The following MAF variants were observed in gnomAD, a reference collection of about 807,000 sequenced individuals.
MAF encodes transcription factor Maf.
MAF carries 10 observed loss-of-function variants against 22.0 expected under a neutral mutation model. That is an observed-to-expected ratio of 0.45 (90% CI 0.28 to 0.77). MAF has a LOEUF of 0.77. MAF is among the 30% of genes least tolerant of loss of function. The pLI is 0.12. For synonymous variants in MAF, 337 were observed against 255.8 expected (o/e 1.32, Z -3.03); for missense variants, 544 against 548.4 (o/e 0.99, Z 0.08).
At chr16:79,419,045 T>C in the MAF span, among the ~76,000 whole-genome samples, 1 of 152,226 alleles carries the variant, frequency 6.6e-6, no homozygotes, top group African/African-American at 2.4e-5. Context: ...TTAGTTTTCA[T>C]AAATGTCAGC....
At chr16:79,241,072 C>A in the MAF span, among the ~76,000 whole-genome samples, 5 of 152,060 alleles carry the variant, frequency 3.3e-5, no homozygotes, top group African/African-American at 1.2e-4. Context: ...GGTAAATCCA[C>A]GAAGATGGGG....
At chr16:79,262,013 G>A in the MAF span, among the ~76,000 whole-genome samples, 2 of 152,144 alleles carry the variant, frequency 1.3e-5, no homozygotes, top group African/African-American at 2.4e-5. Context: ...AATCCTAGGT[G>A]ACATTCCAGG....
At chr16:79,489,646 A>G in the MAF span, among the ~76,000 whole-genome samples, 1 of 152,240 alleles carries the variant, frequency 6.6e-6, no homozygotes, top group Admixed American at 6.5e-5. Context: ...CAGAGAGAAA[A>G]GACAACATGG....
At chr16:79,225,127 A>G in the MAF span, among the ~76,000 whole-genome samples, 1 of 152,218 alleles carries the variant, frequency 6.6e-6, no homozygotes, top group Non-Finnish European at 1.5e-5. Flanking sequence ...ACAAGGCTAC[A>G]ATAACTAAAA....
chr16:79,585,119 T>A (rs1350644483), downstream of MAF, among the ~76,000 whole-genome samples: 1 of 152,206 alleles, frequency 6.6e-6, no homozygotes, highest in Non-Finnish European at 1.5e-5. Context: ...TACATAAAAC[T>A]ATCACACTAA....
the MAF span, among the ~76,000 whole-genome samples, chr16:79,344,882 G>A: frequency 6.6e-6 from 1 of 152,140 alleles, no homozygotes; most frequent in Non-Finnish European, 1.5e-5. Flanking sequence ...CATTTAGAGA[G>A]GCAAATCCTC....
At chr16:79,583,714 T>C (rs1232090306), downstream of MAF, among the ~76,000 whole-genome samples, 1 of 152,222 alleles carries the variant, frequency 6.6e-6, no homozygotes, top group Non-Finnish European at 1.5e-5. Context: ...TTGTCACAAC[T>C]CAAGATAGAA....
the MAF span, among the ~76,000 whole-genome samples, chr16:79,216,210 A>G: frequency 1.3e-5 from 2 of 152,284 alleles, no homozygotes; most frequent in Non-Finnish European, 1.5e-5. Flanking sequence ...CTGTATATGT[A>G]TACGTGTCAT....
the MAF span, among the ~76,000 whole-genome samples, chr16:79,453,829 T>C: frequency 6.6e-6 from 1 of 152,210 alleles, no homozygotes; most frequent in African/African-American, 2.4e-5. Flanking sequence ...GGTATTCCTT[T>C]CTTAAAGTCT....
chr16:79,326,367 TTGA>T, the MAF span, among the ~76,000 whole-genome samples: 1 of 152,210 alleles, frequency 6.6e-6, no homozygotes, highest in African/African-American at 2.4e-5. Context: ...TCTAAAAAAG[TTGA>T]TGAACAGGGT....
At chr16:79,486,271 A>G in the MAF span, among the ~76,000 whole-genome samples, 1 of 152,366 alleles carries the variant, frequency 6.6e-6, no homozygotes, top group Non-Finnish European at 1.5e-5. Context: ...CTGCAGAATG[A>G]GAAAATGAAA....
intron 1 of MAF, chr16:79,594,787 C>T: frequency 1.5e-6 from 2 of 1,318,166 alleles, no homozygotes; most frequent in Non-Finnish European, 1.9e-6. Flanking sequence ...TCTAAAAATG[C>T]CTTTTACTAG....
chr16:79,573,787 A>T, the MAF span, among the ~76,000 whole-genome samples: 3 of 152,262 alleles, frequency 2.0e-5, no homozygotes, highest in Admixed American at 6.5e-5. Flanking sequence ...CAGGCTGTCC[A>T]GGAAAGGAAA....
At chr16:79,387,568 A>G in the MAF span, among the ~76,000 whole-genome samples, 3 of 152,236 alleles carry the variant, frequency 2.0e-5, no homozygotes, top group African/African-American at 7.2e-5. Flanking sequence ...AGTGCACTCC[A>G]CTCTGAGGCT....
the MAF span, among the ~76,000 whole-genome samples, chr16:79,359,986 T>C: frequency 6.6e-6 from 1 of 151,994 alleles, no homozygotes; most frequent in Admixed American, 6.5e-5. Flanking sequence ...ATGGGGAGTA[T>C]TGTTCTGAGT....
At chr16:79,322,861 G>T in the MAF span, among the ~76,000 whole-genome samples, 2 of 151,864 alleles carry the variant, frequency 1.3e-5, no homozygotes, top group African/African-American at 4.8e-5. Flanking sequence ...CCTTCAATAG[G>T]CAATTGGGGC....
the MAF span, among the ~76,000 whole-genome samples, chr16:79,292,280 C>G: frequency 1.1e-4 from 17 of 152,170 alleles, no homozygotes; most frequent in Non-Finnish European, 2.1e-4. Flanking sequence ...AGTGATTACA[C>G]ACAGACATAC....
the MAF span, among the ~76,000 whole-genome samples, chr16:79,417,635 G>A: frequency 2.6e-5 from 4 of 152,142 alleles, no homozygotes; most frequent in Non-Finnish European, 4.4e-5. Flanking sequence ...GCCCTACCGA[G>A]CCTGCCTAGC....
the MAF span, among the ~76,000 whole-genome samples, chr16:79,242,335 A>G: frequency 1.3e-5 from 2 of 151,256 alleles, no homozygotes; most frequent in Non-Finnish European, 2.9e-5. Context: ...AAATAAAGGC[A>G]TGGAGGAACA....
Sources: allele counts gnomAD v4.1 joint callset (sites outside exome capture counted in the v4.1 genomes callset), GRCh38; gene constraint gnomAD v4.1.1; transcripts MANE v1.5; gene names NCBI Gene and HGNC (gene_info 2026-07-23, HGNC 2026-07-21).